Variants in SLC9A9 observed in about 807,000 individuals in gnomAD.
SLC9A9 encodes sodium/hydrogen exchanger 9.
A neutral mutation model predicts 77.8 loss-of-function variants in SLC9A9; 62 were observed. The observed-to-expected ratio is 0.80, with a 90% CI of 0.65 to 0.98. The LOEUF (loss-of-function observed/expected upper bound fraction) is 0.98. Ranked by LOEUF, SLC9A9 falls within the 50% of genes least tolerant of loss-of-function variation. The probability of loss-of-function intolerance (pLI) is 0.00; values close to 1 mark genes in which losing one functional copy is unlikely to be tolerated. For synonymous variants in SLC9A9, 320 were observed against 283.5 expected (o/e 1.13, Z -1.29); for missense variants, 775 against 774.9 (o/e 1.00, Z 0.00).
chr3:143,818,925 T>C (rs1162135985), intron 2 of SLC9A9, among the ~76,000 whole-genome samples: 1 of 151,728 alleles, frequency 6.6e-6, no homozygotes, highest in Admixed American at 6.6e-5. Flanking sequence ...CTACTAAAAA[T>C]ACAAAAAATT....
intron 4 of SLC9A9, among the ~76,000 whole-genome samples, chr3:143,729,366 G>A (rs1934744670): frequency 6.6e-6 from 1 of 152,122 alleles, no homozygotes; most frequent in Non-Finnish European, 1.5e-5. Flanking sequence ...TGTAAAATGG[G>A]CATAATAGTA....
At chr3:143,802,255 A>G (rs1017613750) in intron 2 of SLC9A9, among the ~76,000 whole-genome samples, 6 of 152,106 alleles carry the variant, frequency 3.9e-5, no homozygotes, top group Non-Finnish European at 5.9e-5. Context: ...AACCTCTTCC[A>G]TGTAAGTTAC....
chr3:143,475,059 A>G (rs1013684806), intron 11 of SLC9A9, among the ~76,000 whole-genome samples: 2 of 151,508 alleles, frequency 1.3e-5, no homozygotes, highest in Non-Finnish European at 2.9e-5. Flanking sequence ...CCTGGGTTCA[A>G]GTGATTCCCT....
At chr3:143,725,051 T>C (rs1308846205) in intron 4 of SLC9A9, among the ~76,000 whole-genome samples, 1 of 152,184 alleles carries the variant, frequency 6.6e-6, no homozygotes, top group Admixed American at 6.5e-5. Flanking sequence ...GGCCCCTACA[T>C]ACATCCTCCA....
chr3:143,682,607 T>A (rs1258696189), intron 5 of SLC9A9, among the ~76,000 whole-genome samples: 1 of 152,148 alleles, frequency 6.6e-6, no homozygotes, highest in Non-Finnish European at 1.5e-5. Flanking sequence ...AAATTTATTA[T>A]CTTATATTTC....
At chr3:143,508,635 T>C (rs1251486784) in intron 9 of SLC9A9, among the ~76,000 whole-genome samples, 1 of 152,240 alleles carries the variant, frequency 6.6e-6, no homozygotes, top group Non-Finnish European at 1.5e-5. Flanking sequence ...TCTACTGTAA[T>C]GGTACAACAG....
chr3:143,807,425 C>T (rs1037948541), intron 2 of SLC9A9, among the ~76,000 whole-genome samples: 5 of 150,470 alleles, frequency 3.3e-5, no homozygotes, highest in Non-Finnish European at 7.4e-5. Flanking sequence ...CCTCACTGAC[C>T]TCTGGCTTTT....
At chr3:143,711,569 TAA>T (rs1161275488) in intron 4 of SLC9A9, among the ~76,000 whole-genome samples, 1,403 of 139,002 alleles carry the variant, frequency 0.01, 23 homozygotes, top group African/African-American at 0.036. Context: ...CTGGCTAATT[TAA>T]AAAAAAAATT....
rs748467305 is a variant in SLC9A9, at chr3:143,268,894, G to A, written c.1691C>T (p.Thr564Ile). 1 of 1,613,832 alleles carries A rather than the reference G, an allele frequency of 6.2e-7. No individual in the cohort carries two copies. The highest frequency in any genetic ancestry group is 1.1e-5 in the South Asian group (1 of 91,080). ...EWCGPISRLL[T>I]SPQAYGEQLK... ...ACTTACCCCATAGGCTTGAGGACTGGTAAGCAGCCTGGAAATCGGACCACA... is the reference window on the plus strand; with the variant it reads ...ACTTACCCCATAGGCTTGAGGACTGATAAGCAGCCTGGAAATCGGACCACA... The change falls in exon 15 of 16, where the codon ACC becomes ATC. Residue 564 changes from threonine to isoleucine, a missense_variant. Transcript: ENST00000316549.
chr3:143,711,350 T>G (rs1934188382), intron 4 of SLC9A9, among the ~76,000 whole-genome samples: 1 of 152,088 alleles, frequency 6.6e-6, no homozygotes, highest in African/African-American at 2.4e-5. Context: ...CAATCAAATA[T>G]AGGAGAAACC....
At chr3:143,475,743 G>A (rs2035465599) in intron 11 of SLC9A9, among the ~76,000 whole-genome samples, 1 of 151,324 alleles carries the variant, frequency 6.6e-6, no homozygotes, top group Non-Finnish European at 1.5e-5. Context: ...AGTAAGCTGA[G>A]GTTGCGCCAC....
chr3:143,280,451 A>G (rs1938181964), intron 14 of SLC9A9, among the ~76,000 whole-genome samples: 1 of 151,152 alleles, frequency 6.6e-6, no homozygotes, highest in Non-Finnish European at 1.5e-5. Flanking sequence ...GTCACATGTC[A>G]CAAATCTCTT....
chr3:143,620,960 G>A (rs1305600412), intron 6 of SLC9A9, among the ~76,000 whole-genome samples: 1 of 152,192 alleles, frequency 6.6e-6, no homozygotes, highest in East Asian at 1.9e-4. Flanking sequence ...GGCACGCCAG[G>A]AGATTATATC....
intron 7 of SLC9A9, among the ~76,000 whole-genome samples, chr3:143,576,648 T>A (rs977842930): frequency 6.6e-6 from 1 of 152,194 alleles, no homozygotes; most frequent in Non-Finnish European, 1.5e-5. Context: ...ATGTTCGGCC[T>A]CTTGATTCTC....
intron 9 of SLC9A9, among the ~76,000 whole-genome samples, chr3:143,547,294 A>C (rs1370084349): frequency 6.6e-6 from 1 of 152,118 alleles, no homozygotes; most frequent in East Asian, 1.9e-4. Flanking sequence ...TCATATGCTG[A>C]TGACTCTCAA....
intron 6 of SLC9A9, among the ~76,000 whole-genome samples, chr3:143,580,686 C>G (rs1425638497): frequency 6.6e-6 from 1 of 152,220 alleles, no homozygotes; most frequent in Non-Finnish European, 1.5e-5. Flanking sequence ...GGTGTGCCCA[C>G]TGATCTGTAG....
chr3:143,363,539 T>C lies in SLC9A9; in HGVS notation c.1549A>G (p.Met517Val). The change falls in exon 14 of 16, where the codon ATG becomes GTG. Residue 517 changes from methionine (M) to valine (V), a missense_variant. Transcript: ENST00000316549. ...AGCCGAGCACTCTCTGCTTTCGTCA[T>C]GTTTTTATCCAAGTTATTTGCTTCC... is the stretch of plus-strand genomic sequence containing the variant. ...HQEANNLDKN[M>V]TKAESARLFR... 4 of 1,613,004 alleles carry C rather than the reference T, an allele frequency of 2.5e-6. No individual in the cohort carries two copies. The highest frequency in any genetic ancestry group is 3.4e-6 in the Non-Finnish European group (4 of 1,179,234).
At chr3:143,338,312 GAGA>G (rs1050459870) in intron 14 of SLC9A9, among the ~76,000 whole-genome samples, 1 of 152,158 alleles carries the variant, frequency 6.6e-6, no homozygotes, top group African/African-American at 2.4e-5. Context: ...ATGTGACAAA[GAGA>G]AGGACATTGT....
chr3:143,649,259 G>C (rs1395830115), intron 6 of SLC9A9, among the ~76,000 whole-genome samples: 1 of 152,150 alleles, frequency 6.6e-6, no homozygotes, highest in African/African-American at 2.4e-5. Context: ...ATTTAGAAAT[G>C]CAAATCTATC....
Sources: gnomAD v4.1 joint callset for allele counts (sites outside exome capture counted in the v4.1 genomes callset) on GRCh38, gnomAD v4.1.1 for gene constraint, MANE v1.5 for transcripts, NCBI Gene and HGNC (gene_info 2026-07-23, HGNC 2026-07-21) for gene names.